RTN4R: variants seen among roughly 807,000 people sequenced by gnomAD.
The protein encoded by RTN4R is reticulon-4 receptor.
RTN4R carries 4 observed loss-of-function variants against 27.7 expected under a neutral mutation model. The observed-to-expected ratio is 0.14, with a 90% CI of 0.07 to 0.33. The LOEUF is 0.33. Ranked by LOEUF, RTN4R falls within the 10% of genes least tolerant of loss-of-function variation. The probability of loss-of-function intolerance (pLI) is 1.00; values close to 1 mark genes in which losing one functional copy is unlikely to be tolerated. For missense variants in RTN4R, 554 were observed against 671.5 expected, an observed-to-expected ratio of 0.83 and a Z score of 1.93; for synonymous variants, 290 against 305.6, an observed-to-expected ratio of 0.95 and a Z score of 0.53.
chr22:20,266,572 T>A (rs1346721525), intron 1 of RTN4R, among the ~76,000 whole-genome samples: 1 of 152,176 alleles, frequency 6.6e-6, no homozygotes, highest in Non-Finnish European at 1.5e-5. Context: ...GGCCTGTTGG[T>A]CACAGTGTTG....
rs769947390 is a variant in RTN4R at position 20,242,072 on chromosome 22, G to A, written c.1061C>T (p.Ser354Leu). Residue 354 changes from serine (S) to leucine (L), a missense_variant, in exon 2 of 2, where the codon TCG (serine) becomes TTG (leucine). By Grantham distance (145) the Ser-to-Leu change is moderately radical. This residue lies in a region of RTN4R where 413 missense variants were observed against 542.3 expected (regional missense o/e 0.76). Coordinates refer to ENST00000043402, the MANE Select transcript of RTN4R (RefSeq NM_023004.6). ...GCGTCCCTTCAGCGCATTGCCTGCC[G>A]AAGCTGGTCTTCCAGGCTCCAGTAC... ...ASVLEPGRPASAGNALKGRVP... is the reference protein window; with the variant it reads ...ASVLEPGRPALAGNALKGRVP... 1.1e-5 allele frequency: 18 copies of A among 1,612,378 alleles called. No homozygotes were observed. The highest frequency in any genetic ancestry group is 5.3e-5 in the African/African-American group (4 of 74,942).
chr22:20,259,886 C>T (rs2051234838), intron 1 of RTN4R, among the ~76,000 whole-genome samples: 1 of 152,150 alleles, frequency 6.6e-6, no homozygotes, highest in Admixed American at 6.5e-5. Context: ...TCCCTGCCGC[C>T]CAGCATGGGA....
rs1394773795 is a variant in RTN4R, at chr22:20,249,272, G to A, written c.23-6162C>T. 11 of 521,664 alleles carry A rather than the reference G, an allele frequency of 2.1e-5. No homozygotes were observed. In the East Asian group the frequency reaches 5.5e-4, roughly 26 times the overall value. 32.3% of individuals were successfully genotyped at this position (521,664 alleles called of 1,614,324 possible). A position where few individuals can be genotyped will look rare whatever the true frequency, so the allele number is the denominator to read the frequency against. ...ACCCTGGGGACGCACTCTGAGCCAG[G>A]TCTGGGCCCAGCACTGCCATACACC... On this transcript the variant is annotated intron_variant, in intron 1 of 1. Coordinates refer to ENST00000043402, the MANE Select transcript of RTN4R (RefSeq NM_023004.6).
chr22:20,263,024 G>A (rs12170447), intron 1 of RTN4R, among the ~76,000 whole-genome samples: 1,772 of 152,342 alleles, frequency 0.012, 34 homozygotes, highest in African/African-American at 0.04. Flanking sequence ...GCCTAGCCCT[G>A]CCCCCTTCCT....
intron 1 of RTN4R, among the ~76,000 whole-genome samples, chr22:20,259,322 T>C (rs1445423506): frequency 6.6e-6 from 1 of 152,110 alleles, no homozygotes; most frequent in African/African-American, 2.4e-5. Context: ...GGGGAGAGTT[T>C]TTCTTTTGCC....
At chr22:20,245,834 T>C (rs1311966030) in intron 1 of RTN4R, among the ~76,000 whole-genome samples, 1 of 152,184 alleles carries the variant, frequency 6.6e-6, no homozygotes, top group East Asian at 1.9e-4. Flanking sequence ...GTATGAGCTC[T>C]GTCCTTCCTG....
intron 1 of RTN4R, among the ~76,000 whole-genome samples, chr22:20,256,192 C>T (rs1035132478): frequency 1.3e-5 from 2 of 152,182 alleles, no homozygotes; most frequent in African/African-American, 2.4e-5. Flanking sequence ...CGGGGCAGTC[C>T]GGCCTTATTT....
Position 20,242,020 on chromosome 22 carries a change from G to A in RTN4R, c.1113C>T (p.Gly371=). The A allele has an allele frequency of 6.2e-7, 1 of 1,611,618 alleles. No homozygotes were observed. The change falls in exon 2 of 2, where the codon GGC becomes GGT. Residue 371 remains glycine, a synonymous_variant. Transcript: ENST00000043402. The part of the protein sequence containing the change: ...GRVPPGDSPP[G]NGSGPRHIND... Reference sequence around the variant, plus strand: ...TGATGTGCCGTGGGCCAGAGCCGTTGCCCGGCGGGCTGTCACCGGGCGGCA... The same window carrying A: ...TGATGTGCCGTGGGCCAGAGCCGTTACCCGGCGGGCTGTCACCGGGCGGCA...
intron 1 of RTN4R, among the ~76,000 whole-genome samples, chr22:20,256,139 C>G (rs2051211099): frequency 6.6e-6 from 1 of 152,218 alleles, no homozygotes; most frequent in Non-Finnish European, 1.5e-5. Flanking sequence ...CGCCGCCCCA[C>G]TGCGCAGGGC....
chr22:20,249,036 C>A, intron 1 of RTN4R: 1 of 494,136 alleles, frequency 2.0e-6, no homozygotes, highest in Admixed American at 2.1e-5. Context: ...AGGGCACAGC[C>A]AGTGCCCCCT....
intron 1 of RTN4R, among the ~76,000 whole-genome samples, chr22:20,257,054 T>A (rs569134108): frequency 3.9e-5 from 6 of 152,246 alleles, no homozygotes; most frequent in Non-Finnish European, 7.3e-5. Flanking sequence ...CAGGAGGTGC[T>A]CCATAAATGT....
chr22:20,263,331 C>A (rs2051258499), intron 1 of RTN4R, among the ~76,000 whole-genome samples: 2 of 152,198 alleles, frequency 1.3e-5, no homozygotes, highest in African/African-American at 2.4e-5. Context: ...AGGTACATCG[C>A]ATAGGGGTGC....
chr22:20,247,641 T>C (rs1181984307), intron 1 of RTN4R, among the ~76,000 whole-genome samples: 3 of 152,150 alleles, frequency 2.0e-5, no homozygotes, highest in Non-Finnish European at 4.4e-5. Flanking sequence ...TGGCAGCAGC[T>C]TCTGGTGGGG....
chr22:20,244,371 C>T (rs940515698), intron 1 of RTN4R, among the ~76,000 whole-genome samples: 4 of 152,200 alleles, frequency 2.6e-5, no homozygotes, highest in Non-Finnish European at 5.9e-5. Context: ...CTTGGGCAGA[C>T]AGTGCAGTCG....
At chr22:20,243,213 G>C (rs951367306) in intron 1 of RTN4R, 103 bp from the exon 2 acceptor site, 2 of 1,209,628 alleles carry the variant, frequency 1.7e-6, no homozygotes, top group Non-Finnish European at 2.3e-6. Context: ...GTCTCAGGAG[G>C]ACCTGGGGCT....
Position 20,243,033 on chromosome 22 carries a change from A to G in RTN4R, c.100T>C (p.Tyr34His). Residue 34 changes from tyrosine (Y) to histidine (H), a missense_variant, in exon 2 of 2, where the codon TAC becomes CAC. Physicochemically the swap from Tyr to His is moderately conservative, Grantham distance 83 (BLOSUM62 2). This residue lies in a region of RTN4R where 413 missense variants were observed against 542.3 expected (regional missense o/e 0.76). Transcript: ENST00000043402. ...AAPCPGACVCYNEPKVTTSCP... is the reference protein window; with the variant it reads ...AAPCPGACVCHNEPKVTTSCP... ...CTTGTCGTCACCTTGGGCTCATTGTAGCATACGCAGGCACCTGGGCATGGG... is the reference window on the plus strand; with the variant it reads ...CTTGTCGTCACCTTGGGCTCATTGTGGCATACGCAGGCACCTGGGCATGGG... 2 of 1,604,398 alleles carry G rather than the reference A, an allele frequency of 1.2e-6. No homozygotes were observed. The highest frequency in any genetic ancestry group is 1.7e-5 in the Admixed American group (1 of 60,020).
chr22:20,258,963 C>T (rs79810059), intron 1 of RTN4R, among the ~76,000 whole-genome samples: 4,799 of 151,916 alleles, frequency 0.032, 234 homozygotes, highest in African/African-American at 0.11. Context: ...AGGGTGGAGG[C>T]GCTGGACCAA....
At chr22:20,260,224 G>C (rs2051237163) in intron 1 of RTN4R, among the ~76,000 whole-genome samples, 1 of 152,158 alleles carries the variant, frequency 6.6e-6, no homozygotes. Flanking sequence ...GGAGCCCCAA[G>C]AAGCCAATCC....
chr22:20,254,886 A>T (rs1052313360), intron 1 of RTN4R, among the ~76,000 whole-genome samples: 5 of 152,196 alleles, frequency 3.3e-5, no homozygotes, highest in African/African-American at 1.2e-4. Flanking sequence ...AGCCCCAAGG[A>T]AAACAAAAGG....
Sources: allele counts gnomAD v4.1 joint callset (sites outside exome capture counted in the v4.1 genomes callset), GRCh38; gene constraint gnomAD v4.1.1; regional missense constraint gnomAD v4.1.1; transcripts MANE v1.5; gene names NCBI Gene and HGNC (gene_info 2026-07-23, HGNC 2026-07-21).